DHX57: variants seen among roughly 807,000 people sequenced by gnomAD.
DHX57 encodes the protein putative ATP-dependent RNA helicase DHX57.
A neutral mutation model predicts 156.2 loss-of-function variants in DHX57; 105 were observed. The ratio of observed to expected loss-of-function variants is 0.67; its 90% CI spans 0.57 to 0.79. The LOEUF (loss-of-function observed/expected upper bound fraction) is 0.79. Among genes scored for constraint, DHX57 ranks in the 30% least tolerant of loss-of-function variants. The probability of loss-of-function intolerance (pLI) is 0.00; values close to 1 mark genes in which losing one functional copy is unlikely to be tolerated. For missense variants in DHX57, 1,847 were observed against 1,661.9 expected (o/e 1.11, Z -1.94); for synonymous variants, 704 against 595.6 (o/e 1.18, Z -2.65).
chr2:38,874,077 T>A (rs960649445), intron 1 of DHX57, among the ~76,000 whole-genome samples: 1 of 150,602 alleles, frequency 6.6e-6, no homozygotes, highest in Non-Finnish European at 1.5e-5. Flanking sequence ...CCAGGAATAC[T>A]GTCTTTTCTT....
chr2:38,868,028 T>C (rs1665167107), intron 2 of DHX57, among the ~76,000 whole-genome samples, 154 bp downstream of exon 2: 1 of 152,212 alleles, frequency 6.6e-6, no homozygotes, highest in Non-Finnish European at 1.5e-5. Context: ...ACAAAAGCTG[T>C]TATTTCCCAT....
At position 38,841,224 on chromosome 2, in the gene DHX57, T is replaced by C. The variant is rs541514935; in HGVS notation, c.2425+1781A>G. ...CACACAAATTTTTTAGTTAGACATA[T>C]TTTAATTAGAATCATGGATCTGCAC... On this transcript the variant is annotated intron_variant, in intron 12 of 23. Coordinates refer to ENST00000457308, the MANE Select transcript of DHX57 (RefSeq NM_198963.3). Among the ~76,000 whole-genome samples the C allele has an allele frequency of 2.6e-5, 4 of 152,362 alleles. No homozygotes were observed. In the East Asian group the frequency reaches 7.7e-4, roughly 29 times the overall value.
At chr2:38,868,489 T>C in intron 1 of DHX57, 78 bp from the exon 2 acceptor site, 2 of 1,378,340 alleles carry the variant, frequency 1.5e-6, no homozygotes, top group Non-Finnish European at 2.0e-6. Context: ...AACTTATGAA[T>C]ATAGGCTACT....
intron 17 of DHX57, among the ~76,000 whole-genome samples, chr2:38,821,831 T>A (rs1670830636): frequency 6.6e-6 from 1 of 152,030 alleles, no homozygotes; most frequent in Admixed American, 6.6e-5. Context: ...TTACTAGCCT[T>A]ACAGAAATAA....
intron 13 of DHX57, among the ~76,000 whole-genome samples, chr2:38,836,299 C>T (rs1208738826): frequency 2.6e-5 from 4 of 152,184 alleles, no homozygotes; most frequent in Admixed American, 2.0e-4. Context: ...CCACCTCTGC[C>T]ACCCGAGACA....
At chr2:38,852,606 T>C (rs1297731124) in intron 9 of DHX57, among the ~76,000 whole-genome samples, 1 of 136,152 alleles carries the variant, frequency 7.3e-6, no homozygotes, top group Non-Finnish European at 1.6e-5. Flanking sequence ...AGACTTTTAA[T>C]TTTTTTTTTT....
chr2:38,859,265 A>T (rs1673060584), intron 5 of DHX57, among the ~76,000 whole-genome samples: 1 of 152,218 alleles, frequency 6.6e-6, no homozygotes, highest in Non-Finnish European at 1.5e-5. Flanking sequence ...TAAGTGAAAG[A>T]AGCCCATCTC....
At chr2:38,841,449 G>A (rs570675218) in intron 12 of DHX57, among the ~76,000 whole-genome samples, 20 of 152,238 alleles carry the variant, frequency 1.3e-4, no homozygotes, top group South Asian at 4.1e-4. Context: ...TCAATATTGC[G>A]AAGATGAAAT....
At chr2:38,834,715 A>T (rs1671564400) in intron 13 of DHX57, among the ~76,000 whole-genome samples, 1 of 152,154 alleles carries the variant, frequency 6.6e-6, no homozygotes, top group South Asian at 2.1e-4. Context: ...CAAAAGGTGA[A>T]TTGCTCAATA....
intron 21 of DHX57, among the ~76,000 whole-genome samples, chr2:38,807,413 A>G (rs1670006867): frequency 6.6e-6 from 1 of 151,762 alleles, no homozygotes; most frequent in Non-Finnish European, 1.5e-5. Context: ...GCTGGAGTGC[A>G]GTGAAGTGAT....
intron 22 of DHX57, among the ~76,000 whole-genome samples, chr2:38,804,300 G>A (rs1669837551): frequency 6.6e-6 from 1 of 152,086 alleles, no homozygotes; most frequent in African/African-American, 2.4e-5. Context: ...AAACTGGCCT[G>A]GCTAACATGG....
chr2:38,826,036 C>G lies in DHX57; in HGVS notation c.2825G>C (p.Ser942Thr). The G allele has an allele frequency of 6.2e-7, 1 of 1,613,964 alleles. No individual in the cohort carries two copies. The highest frequency in any genetic ancestry group is 8.5e-7 in the Non-Finnish European group (1 of 1,179,858). Residue 942 changes from serine (S) to threonine (T), a missense_variant, in exon 16 of 24, where the codon AGC (serine) becomes ACC (threonine). Physicochemically the swap from Ser to Thr is moderately conservative, Grantham distance 58. Coordinates refer to ENST00000457308, the MANE Select transcript of DHX57 (RefSeq NM_198963.3). ...GTCCTCTAGACTTTCCATCCCTTTG[C>G]TGGCATCATATCTATAAAGAAAAAG... is the stretch of plus-strand genomic sequence containing the variant. ...GKMKEKRYDASKGMESLEDTF... is the reference protein window; with the variant it reads ...GKMKEKRYDATKGMESLEDTF...
At chr2:38,828,479 C>G (rs753878623) in intron 13 of DHX57, 43 bp from the exon 14 acceptor site, 2 of 1,415,928 alleles carry the variant, frequency 1.4e-6, no homozygotes, top group Non-Finnish European at 1.9e-6. Flanking sequence ...AGCATAGGCA[C>G]AGAAAAGAAA....
intron 7 of DHX57, 96 bp from the exon 8 acceptor site, chr2:38,855,348 T>G: frequency 1.5e-6 from 2 of 1,318,318 alleles, no homozygotes; most frequent in Non-Finnish European, 2.2e-6. Context: ...ATAAAGCTAA[T>G]TAGAATAAAA....
intron 9 of DHX57, chr2:38,853,749 G>A (rs868752786): frequency 5.9e-5 from 10 of 170,564 alleles, no homozygotes; most frequent in Non-Finnish European, 1.1e-4. Context: ...GCCACAGCAT[G>A]CATGACATCT....
chr2:38,872,991 C>T (rs752403716), intron 1 of DHX57, among the ~76,000 whole-genome samples: 1 of 150,462 alleles, frequency 6.6e-6, no homozygotes, highest in African/African-American at 2.5e-5. Flanking sequence ...AACCTCAATA[C>T]ATTTTTTTTT....
At chr2:38,874,137 G>T (rs1250846482) in intron 1 of DHX57, among the ~76,000 whole-genome samples, 1 of 151,892 alleles carries the variant, frequency 6.6e-6, no homozygotes, top group East Asian at 1.9e-4. Flanking sequence ...TATCACCCAG[G>T]CTGCAGTGCA....
chr2:38,848,182 G>T (rs939130225), intron 10 of DHX57, 87 bp downstream of exon 10: 3 of 1,289,372 alleles, frequency 2.3e-6, no homozygotes, highest in South Asian at 1.8e-5. Context: ...CTAGAAAGAG[G>T]TATAAATATC....
intron 15 of DHX57, 23 bp from the exon 16 acceptor site, chr2:38,826,070 A>G (rs746047779): frequency 9.3e-6 from 15 of 1,605,608 alleles, no homozygotes; most frequent in East Asian, 9.0e-5. Flanking sequence ...AGAAAATATA[A>G]ATTGAGTCAT....
Sources: gnomAD v4.1 joint callset for allele counts (sites outside exome capture counted in the v4.1 genomes callset) on GRCh38, gnomAD v4.1.1 for gene constraint, MANE v1.5 for transcripts, NCBI Gene and HGNC (gene_info 2026-07-23, HGNC 2026-07-21) for gene names.